KCNMB2: variants seen among roughly 807,000 people sequenced by gnomAD.
The protein encoded by KCNMB2 is potassium calcium-activated channel subfamily M regulatory beta subunit 2, also known as calcium-activated potassium channel subunit beta-2.
A neutral mutation model predicts 24.5 loss-of-function variants in KCNMB2; 9 were observed. The observed-to-expected ratio is 0.37, with a 90% CI of 0.22 to 0.64. KCNMB2 has a LOEUF of 0.64. Ranked by LOEUF, KCNMB2 falls within the 30% of genes least tolerant of loss-of-function variation. KCNMB2 has a pLI of 0.63. For missense variants in KCNMB2, 226 were observed against 284.3 expected (o/e 0.79, Z 1.47); for synonymous variants, 109 against 104.4 (o/e 1.04, Z -0.27).
At chr3:178,661,874 G>A (rs13087061) in intron 1 of KCNMB2, among the ~76,000 whole-genome samples, 39,288 of 151,964 alleles carry the variant, frequency 0.26, 5,675 homozygotes, top group African/African-American at 0.38. Context: ...CATTCTTACA[G>A]GGACAATACA....
intron 1 of KCNMB2, among the ~76,000 whole-genome samples, chr3:178,795,645 A>C (rs1038510190): frequency 1.3e-5 from 2 of 152,152 alleles, no homozygotes; most frequent in South Asian, 4.1e-4. Context: ...TGGGAACAGG[A>C]ACCTCAGTCC....
chr3:178,836,449 G>C (rs1315196054), intron 4 of KCNMB2, among the ~76,000 whole-genome samples: 1 of 152,112 alleles, frequency 6.6e-6, no homozygotes, highest in Non-Finnish European at 1.5e-5. Flanking sequence ...GCTGGGAAAG[G>C]AAAGAGCATG....
intron 1 of KCNMB2, among the ~76,000 whole-genome samples, chr3:178,553,629 T>C (rs1716030041): frequency 6.6e-6 from 1 of 151,838 alleles, no homozygotes; most frequent in African/African-American, 2.4e-5. Flanking sequence ...TTTCGTCTCC[T>C]GGTTTCAAGT....
intron 1 of KCNMB2, among the ~76,000 whole-genome samples, chr3:178,697,341 C>T (rs1254639469): frequency 6.6e-6 from 1 of 152,076 alleles, no homozygotes; most frequent in Non-Finnish European, 1.5e-5. Flanking sequence ...TGAATTGAAC[C>T]CTTTACCATT....
chr3:178,676,356 T>G (rs923448324), intron 1 of KCNMB2, among the ~76,000 whole-genome samples: 2 of 152,194 alleles, frequency 1.3e-5, no homozygotes, highest in Admixed American at 1.3e-4. Flanking sequence ...GTGAACTGAC[T>G]GACAGACATG....
chr3:178,822,157 G>A (rs78398986), intron 2 of KCNMB2, among the ~76,000 whole-genome samples: 1,912 of 152,258 alleles, frequency 0.013, 29 homozygotes, highest in African/African-American at 0.044. Context: ...AGGCATCTCA[G>A]TAATATTAAA....
chr3:178,602,383 A>G (rs1170571484), intron 1 of KCNMB2, among the ~76,000 whole-genome samples: 1 of 152,148 alleles, frequency 6.6e-6, no homozygotes, highest in African/African-American at 2.4e-5. Flanking sequence ...TAATAGCTTC[A>G]GTGAAATAAA....
chr3:178,542,635 G>T (rs1329947640), intron 1 of KCNMB2, among the ~76,000 whole-genome samples: 1 of 152,152 alleles, frequency 6.6e-6, no homozygotes, highest in Non-Finnish European at 1.5e-5. Flanking sequence ...GCTACTGGTG[G>T]TTAGGAGAAT....
rs144047588 is a variant in KCNMB2 at position 178,687,373 on chromosome 3, T to C, written c.-67-119970T>C. The stretch of plus-strand genomic sequence containing the variant: ...CTCATTGAGTCTCATCATATTTTTG[T>C]AATATGCTTCAGTGTACTTATGGGT... On this transcript the variant is annotated intron_variant, in intron 1 of 4. Transcript: ENST00000452583. 5.7e-3 allele frequency among the ~76,000 whole-genome samples: 865 copies of C among 152,240 alleles called. 10 individuals are homozygous for C. Among genetic ancestry groups the C allele is most frequent in the African/African-American group, 0.02 (846 of 41,560 alleles).
intron 1 of KCNMB2, among the ~76,000 whole-genome samples, chr3:178,724,095 C>A (rs1420238582): frequency 6.6e-6 from 1 of 152,178 alleles, no homozygotes; most frequent in Non-Finnish European, 1.5e-5. Context: ...AATTTGCATT[C>A]CCACTGACAG....
rs534766229 is a variant in KCNMB2 at position 178,757,287 on chromosome 3, A to G, written c.-67-50056A>G. On this transcript the variant is annotated intron_variant, in intron 1 of 4. Coordinates refer to ENST00000452583, the MANE Select transcript of KCNMB2 (RefSeq NM_181361.3). The stretch of plus-strand genomic sequence containing the variant: ...GTGTGTGTGTGTATACATATATCCA[A>G]GAGGATATATATATATATATCCATC... Among the ~76,000 whole-genome samples the G allele has an allele frequency of 4.2e-4, 48 of 113,772 alleles. 2 individuals carry two copies. Among genetic ancestry groups the G allele is most frequent in the Admixed American group, 3.0e-3 (31 of 10,494 alleles). The allele number at this position is 113,772 out of a possible 152,430, so 74.6% of individuals were successfully genotyped here.
chr3:178,554,891 G>A (rs1400598131), intron 1 of KCNMB2, among the ~76,000 whole-genome samples: 2 of 152,234 alleles, frequency 1.3e-5, no homozygotes, highest in Non-Finnish European at 2.9e-5. Context: ...CTCTCTGCAA[G>A]TGACTTTATT....
chr3:178,686,158 C>T (rs575653166), intron 1 of KCNMB2, among the ~76,000 whole-genome samples: 33 of 152,272 alleles, frequency 2.2e-4, no homozygotes, highest in Non-Finnish European at 4.7e-4. Flanking sequence ...ACCCATTCTA[C>T]ATTGATGGCT....
intron 1 of KCNMB2, among the ~76,000 whole-genome samples, chr3:178,656,145 G>T (rs892680647): frequency 2.0e-4 from 31 of 152,060 alleles, no homozygotes; most frequent in African/African-American, 7.2e-4. Flanking sequence ...TACTGAGTGG[G>T]ACCTCAATTA....
At chr3:178,820,634 G>C (rs1029127862) in intron 2 of KCNMB2, 1 of 152,566 alleles carries the variant, frequency 6.6e-6, no homozygotes, top group Non-Finnish European at 1.5e-5. Flanking sequence ...ATTTGTTTAT[G>C]AATTATGGGC....
intron 1 of KCNMB2, among the ~76,000 whole-genome samples, chr3:178,710,871 A>G (rs1432010088): frequency 6.6e-6 from 1 of 152,024 alleles, no homozygotes; most frequent in Non-Finnish European, 1.5e-5. Context: ...CTTCTGTTAC[A>G]TCCATTATGC....
intron 1 of KCNMB2, among the ~76,000 whole-genome samples, chr3:178,631,171 T>C (rs1482625548): frequency 6.6e-6 from 1 of 152,202 alleles, no homozygotes; most frequent in African/African-American, 2.4e-5. Flanking sequence ...ATATGGTTCA[T>C]CGGGGTAAAA....
At chr3:178,692,014 CT>C (rs1721699342) in intron 1 of KCNMB2, among the ~76,000 whole-genome samples, 1 of 152,110 alleles carries the variant, frequency 6.6e-6, no homozygotes, top group South Asian at 2.1e-4. Flanking sequence ...TGATGTTGAG[CT>C]TTTCTTCATA....
At chr3:178,771,334 A>C (rs1306080320) in intron 1 of KCNMB2, among the ~76,000 whole-genome samples, 1 of 152,048 alleles carries the variant, frequency 6.6e-6, no homozygotes, top group African/African-American at 2.4e-5. Context: ...ATTAAAAGTG[A>C]CGTTGATCAT....
Sources: allele counts gnomAD v4.1 joint callset (sites outside exome capture counted in the v4.1 genomes callset), GRCh38; gene constraint gnomAD v4.1.1; transcripts MANE v1.5; gene names NCBI Gene and HGNC (gene_info 2026-07-23, HGNC 2026-07-21).